Variants in KALRN observed in about 807,000 individuals in gnomAD.
The protein encoded by KALRN is kalirin.
Under a neutral mutation model 353.7 loss-of-function variants are expected in KALRN, and 70 were observed. That is an observed-to-expected ratio of 0.20 (90% CI 0.16 to 0.24). The LOEUF is 0.24. Among genes scored for constraint, KALRN ranks in the 10% least tolerant of loss-of-function variants. The probability of loss-of-function intolerance (pLI) is 1.00; values close to 1 mark genes in which losing one functional copy is unlikely to be tolerated. For missense variants in KALRN, 2,791 were observed against 3,756.7 expected (o/e 0.74, Z 6.72); for synonymous variants, 1,391 against 1,434.8 (o/e 0.97, Z 0.69).
At chr3:124,180,525 C>A (rs1179727863) in intron 1 of KALRN, among the ~76,000 whole-genome samples, 1 of 152,088 alleles carries the variant, frequency 6.6e-6, no homozygotes, top group Non-Finnish European at 1.5e-5. Flanking sequence ...TCAGAGAGAC[C>A]CAAGTTGGAA....
chr3:124,696,794 C>G (rs138671948), intron 54 of KALRN, among the ~76,000 whole-genome samples: 93 of 152,370 alleles, frequency 6.1e-4, no homozygotes, highest in Non-Finnish European at 9.3e-4. Context: ...ATCCACAGAA[C>G]TTTTTCATCT....
chr3:124,695,286 G>C (rs180941021), intron 53 of KALRN, among the ~76,000 whole-genome samples: 3 of 152,238 alleles, frequency 2.0e-5, no homozygotes, highest in Non-Finnish European at 2.9e-5. Context: ...GTTGCTTACA[G>C]TGGACAAGTG....
At chr3:124,454,445 T>C (rs1036642378) in intron 21 of KALRN, among the ~76,000 whole-genome samples, 5 of 152,240 alleles carry the variant, frequency 3.3e-5, no homozygotes, top group Non-Finnish European at 7.3e-5. Context: ...GGCTTTCAGA[T>C]ACAGTAACAC....
chr3:124,446,996 G>T, intron 21 of KALRN, 111 bp downstream of exon 21: 1 of 1,243,368 alleles, frequency 8.0e-7, no homozygotes. Context: ...CCTGGCTACA[G>T]TGGCAAGGGG....
At chr3:124,562,636 C>A in intron 33 of KALRN, 4 of 374,140 alleles carry the variant, frequency 1.1e-5, no homozygotes, top group South Asian at 8.6e-5. Flanking sequence ...ACATTTTTTT[C>A]TTGTTTTCTT....
chr3:124,677,519 C>G (rs1002917462), intron 49 of KALRN: 8 of 452,200 alleles, frequency 1.8e-5, no homozygotes, highest in African/African-American at 1.4e-4. Context: ...AGCTCTAGGA[C>G]CTCTACAGGC....
At chr3:124,178,570 C>T (rs764133687) in intron 1 of KALRN, among the ~76,000 whole-genome samples, 1 of 152,076 alleles carries the variant, frequency 6.6e-6, no homozygotes, top group African/African-American at 2.4e-5. Flanking sequence ...TGTAGGCAAT[C>T]GTAACACAAT....
At chr3:124,356,042 A>AAAT (rs1174883320) in intron 10 of KALRN, among the ~76,000 whole-genome samples, 5 of 151,998 alleles carry the variant, frequency 3.3e-5, no homozygotes, top group Non-Finnish European at 7.4e-5. Flanking sequence ...AAATTAATAC[A>AAAT]AATACAAGCC....
intron 57 of KALRN, among the ~76,000 whole-genome samples, chr3:124,704,215 A>G (rs1335628306): frequency 6.6e-6 from 1 of 152,220 alleles, no homozygotes; most frequent in Non-Finnish European, 1.5e-5. Flanking sequence ...CATGACCCCC[A>G]ATAATGGGCC....
chr3:124,166,595 A>G (rs1182060021), intron 1 of KALRN, among the ~76,000 whole-genome samples: 1 of 152,164 alleles, frequency 6.6e-6, no homozygotes, highest in Non-Finnish European at 1.5e-5. Context: ...ACCCACACCT[A>G]TGGGGACTCC....
In KALRN at chr3:124,094,972, G is replaced by C. The variant is rs1474218910; in HGVS notation, c.73+61159G>C. On this transcript the variant is annotated intron_variant, in intron 1 of 59. Coordinates refer to ENST00000682506, the MANE Select transcript of KALRN (RefSeq NM_001388419.1). The stretch of plus-strand genomic sequence containing the variant: ...ATAAATACACATAGAGACATAAAGA[G>C]ACATGCAGAAAGACACAGCAGAGAG... 2.1e-6 allele frequency: 3 copies of C among 1,450,830 alleles called. No homozygotes were observed. In the East Asian group the frequency reaches 6.8e-5, roughly 33 times the overall value. The allele number at this position is 1,450,830 out of a possible 1,614,324, so 89.9% of individuals were successfully genotyped here.
chr3:124,379,448 G>C (rs908890985), intron 10 of KALRN, among the ~76,000 whole-genome samples: 1 of 152,026 alleles, frequency 6.6e-6, no homozygotes, highest in Non-Finnish European at 1.5e-5. Context: ...TACCTTGTCA[G>C]TTGTGGATAT....
At chr3:124,287,205 C>A (rs1280046909) in intron 5 of KALRN, among the ~76,000 whole-genome samples, 1 of 152,166 alleles carries the variant, frequency 6.6e-6, no homozygotes, top group Non-Finnish European at 1.5e-5. Flanking sequence ...ATTTCCCCAG[C>A]ACTGTGTGAC....
At chr3:124,109,525 A>G (rs957738508) in intron 1 of KALRN, among the ~76,000 whole-genome samples, 1 of 151,944 alleles carries the variant, frequency 6.6e-6, no homozygotes, top group Non-Finnish European at 1.5e-5. Flanking sequence ...TTGAGCATTG[A>G]GCATAGTAAG....
intron 10 of KALRN, among the ~76,000 whole-genome samples, chr3:124,382,822 A>G (rs542561399): frequency 2.0e-5 from 3 of 152,292 alleles, no homozygotes; most frequent in South Asian, 4.1e-4. Context: ...GGGCAATCCC[A>G]TAAGAGCTTT....
intron 34 of KALRN, among the ~76,000 whole-genome samples, chr3:124,569,121 G>C (rs2073216126): frequency 6.6e-6 from 1 of 152,182 alleles, no homozygotes; most frequent in African/African-American, 2.4e-5. Flanking sequence ...AGGGTCTGGA[G>C]AAGCTGTAAG....
intron 29 of KALRN, chr3:124,488,529 C>T: frequency 1.9e-6 from 1 of 530,922 alleles, no homozygotes; most frequent in Non-Finnish European, 3.4e-6. Flanking sequence ...AGGCCTAAGC[C>T]ACTGGAGGTT....
intron 17 of KALRN, among the ~76,000 whole-genome samples, chr3:124,438,432 C>G (rs921945846): frequency 1.3e-5 from 2 of 152,026 alleles, no homozygotes; most frequent in African/African-American, 4.8e-5. Context: ...GGCCTGTAAA[C>G]CATACAACAT....
chr3:124,223,088 G>A (rs1205883152), intron 1 of KALRN, among the ~76,000 whole-genome samples: 2 of 151,002 alleles, frequency 1.3e-5, no homozygotes, highest in South Asian at 2.1e-4. Context: ...TTTTGTACAG[G>A]TGGTGTCCTG....
Sources: gnomAD v4.1 joint callset for allele counts (sites outside exome capture counted in the v4.1 genomes callset) on GRCh38, gnomAD v4.1.1 for gene constraint, MANE v1.5 for transcripts, NCBI Gene and HGNC (gene_info 2026-07-23, HGNC 2026-07-21) for gene names.